The following CFDP1 variants were observed in gnomAD, a reference collection of about 807,000 sequenced individuals.
CFDP1 encodes the protein chromatin remodeling protein CFDP1.
CFDP1 carries 31 observed loss-of-function variants against 40.1 expected under a neutral mutation model. The ratio of observed to expected loss-of-function variants is 0.77; its 90% CI spans 0.58 to 1.04. The LOEUF is 1.04. CFDP1 is among the 50% of genes least tolerant of loss of function. CFDP1 has a pLI of 0.00. For synonymous variants in CFDP1, 167 were observed against 120.0 expected, an observed-to-expected ratio of 1.39 and a Z score of -2.56; for missense variants, 423 against 343.4, an observed-to-expected ratio of 1.23 and a Z score of -1.83.
chr16:75,431,887 G>C (rs1040796468), intron 1 of CFDP1, among the ~76,000 whole-genome samples: 3 of 104,210 alleles, frequency 2.9e-5, no homozygotes, highest in African/African-American at 8.6e-5. Context: ...ATAAAATAGG[G>C]ATGAGGGTGA....
intron 1 of CFDP1, among the ~76,000 whole-genome samples, chr16:75,415,297 A>C (rs1245272741): frequency 2.6e-5 from 4 of 152,194 alleles, no homozygotes; most frequent in African/African-American, 4.8e-5. Flanking sequence ...TGCTGTGGGT[A>C]CCAGTCAATA....
intron 5 of CFDP1, among the ~76,000 whole-genome samples, chr16:75,335,880 T>C (rs2078484586): frequency 6.6e-6 from 1 of 152,106 alleles, no homozygotes; most frequent in Non-Finnish European, 1.5e-5. Flanking sequence ...TTAGCTTACA[T>C]TTGTGTCTGG....
intron 1 of CFDP1, among the ~76,000 whole-genome samples, chr16:75,430,757 C>T (rs532184942): frequency 7.0e-4 from 106 of 152,288 alleles, no homozygotes; most frequent in Admixed American, 1.8e-3. Flanking sequence ...AGCCACTGCT[C>T]GGCTGAGAAC....
chr16:75,355,036 G>A (rs1597350581), intron 5 of CFDP1, among the ~76,000 whole-genome samples: 2 of 152,206 alleles, frequency 1.3e-5, no homozygotes, highest in South Asian at 4.1e-4. Context: ...TGTTTACACC[G>A]CACTGCAGTC....
At chr16:75,432,516 A>G (rs1370247806) in intron 1 of CFDP1, among the ~76,000 whole-genome samples, 1 of 151,882 alleles carries the variant, frequency 6.6e-6, no homozygotes, top group Non-Finnish European at 1.5e-5. Flanking sequence ...GCATCACTGC[A>G]CTCCAGCCTA....
At position 75,333,961 on chromosome 16, in the gene CFDP1, G is replaced by A. The variant is rs141534430; in HGVS notation, c.651-28779C>T. Among the ~76,000 whole-genome samples, 6 of 152,274 alleles carry A rather than the reference G, an allele frequency of 3.9e-5. No individual in the cohort carries two copies. The East Asian group carries it at 1.2e-3, about 29-fold the overall frequency. On this transcript the variant is annotated intron_variant, in intron 5 of 6. Coordinates refer to ENST00000283882, the MANE Select transcript of CFDP1 (RefSeq NM_006324.3). ...GTGAAGATGCCAAGACTTCTGGGCT[G>A]CCCCCACCCTGGATAAATCAATCCT...
chr16:75,387,706 T>C (rs893631964), intron 5 of CFDP1, among the ~76,000 whole-genome samples: 2 of 152,160 alleles, frequency 1.3e-5, no homozygotes, highest in African/African-American at 4.8e-5. Context: ...CATACCTCAG[T>C]AGGAAATGAT....
chr16:75,433,429 C>T lies in CFDP1; in HGVS notation c.-77G>A. Reference sequence around the variant, plus strand: ...CAACGGCAAAGCTCTAGGGAGAGACCATAGAGCCCCGGCGGCGGCGACGGC... The same window carrying T: ...CAACGGCAAAGCTCTAGGGAGAGACTATAGAGCCCCGGCGGCGGCGACGGC... On this transcript the variant is annotated 5_prime_UTR_variant, in exon 1 of 7. It removes an upstream start codon present in the reference 5' UTR. Coordinates refer to ENST00000283882, the MANE Select transcript of CFDP1 (RefSeq NM_006324.3). 1 of 1,440,758 alleles carries T rather than the reference C, an allele frequency of 6.9e-7. No individual in the cohort carries two copies. Among genetic ancestry groups the T allele is most frequent in the Non-Finnish European group, 9.5e-7 (1 of 1,056,762 alleles). 89.2% of individuals were successfully genotyped at this position (1,440,758 alleles called of 1,614,324 possible).
chr16:75,433,311 C>A lies in CFDP1; in HGVS notation c.42G>T (p.Glu14Asp). The part of the protein sequence containing the change: ...FDSEDFSTSE[E>D]DEDYVPSGGE... Reference sequence around the variant, plus strand: ...CACCCGACGGCACGTAGTCCTCGTCCTCCTCCGACGTAGAGAAGTCTTCGG... The same window carrying A: ...CACCCGACGGCACGTAGTCCTCGTCATCCTCCGACGTAGAGAAGTCTTCGG... The change falls in exon 1 of 7, where the codon GAG (glutamate) becomes GAT (aspartate). Residue 14 changes from glutamate (E) to aspartate (D), a missense_variant. Glu to Asp is a conservative substitution (Grantham distance 45, BLOSUM62 2). Transcript: ENST00000283882. 2 of 1,601,404 alleles carry A rather than the reference C, an allele frequency of 1.2e-6. No homozygotes were observed. Among genetic ancestry groups the A allele is most frequent in the East Asian group, 4.5e-5 (2 of 44,512 alleles).
At chr16:75,416,122 G>A (rs1429382208) in intron 1 of CFDP1, among the ~76,000 whole-genome samples, 1 of 152,048 alleles carries the variant, frequency 6.6e-6, no homozygotes, top group Non-Finnish European at 1.5e-5. Context: ...AAAGTGCTGC[G>A]ATTACAGACA....
At chr16:75,311,901 A>G (rs1017988458) in intron 5 of CFDP1, among the ~76,000 whole-genome samples, 1 of 151,526 alleles carries the variant, frequency 6.6e-6, no homozygotes, top group African/African-American at 2.4e-5. Context: ...AATTGCATCC[A>G]TCAGGAATTT....
chr16:75,335,552 CCAT>C (rs1228947149), intron 5 of CFDP1, among the ~76,000 whole-genome samples: 11 of 147,254 alleles, frequency 7.5e-5, no homozygotes, highest in Admixed American at 2.0e-4. Flanking sequence ...TGACAAATCT[CCAT>C]TTTTTTTTTT....
intron 5 of CFDP1, among the ~76,000 whole-genome samples, chr16:75,367,662 AGG>A: frequency 6.6e-6 from 1 of 151,674 alleles, no homozygotes. Flanking sequence ...TCGTGGTGGC[AGG>A]AGCCTGAAAT....
chr16:75,305,337 G>C (rs2078249807), intron 5 of CFDP1, 155 bp from the exon 6 acceptor site: 1 of 680,892 alleles, frequency 1.5e-6, no homozygotes, highest in African/African-American at 1.8e-5. Context: ...GGTGTGGAGA[G>C]CACTGTAAGT....
chr16:75,398,553 C>CTCTG (rs202192123), intron 4 of CFDP1, among the ~76,000 whole-genome samples: 2 of 152,168 alleles, frequency 1.3e-5, no homozygotes, highest in African/African-American at 4.8e-5. Context: ...ACCTGGCATG[C>CTCTG]TCTGTCTGTC....
intron 4 of CFDP1, among the ~76,000 whole-genome samples, chr16:75,403,989 G>A (rs12051326): frequency 0.52 from 78,297 of 151,022 alleles, 21,355 homozygotes; most frequent in Admixed American, 0.64. Flanking sequence ...AAACTTGGCC[G>A]GGTGCAGTGG....
chr16:75,310,722 T>G (rs1214549295), intron 5 of CFDP1, among the ~76,000 whole-genome samples: 1 of 152,214 alleles, frequency 6.6e-6, no homozygotes, highest in East Asian at 1.9e-4. Context: ...CCCGGGATCC[T>G]GCTGTTTGTT....
At chr16:75,405,665 T>G (rs1416908143) in intron 4 of CFDP1, among the ~76,000 whole-genome samples, 1 of 150,624 alleles carries the variant, frequency 6.6e-6, no homozygotes, top group Non-Finnish European at 1.5e-5. Flanking sequence ...GCAGGAGAAC[T>G]GCTTGAACCA....
intron 5 of CFDP1, among the ~76,000 whole-genome samples, chr16:75,349,696 T>C (rs374115214): frequency 2.9e-4 from 14 of 47,942 alleles, no homozygotes; most frequent in African/African-American, 1.4e-3. Flanking sequence ...AAAAAATATA[T>C]ATACATACAT....
Sources: allele counts gnomAD v4.1 joint callset (sites outside exome capture counted in the v4.1 genomes callset), GRCh38; gene constraint gnomAD v4.1.1; transcripts MANE v1.5; gene names NCBI Gene and HGNC (gene_info 2026-07-23, HGNC 2026-07-21).